TEK: variants seen among roughly 807,000 people sequenced by gnomAD.
TEK encodes the protein angiopoietin-1 receptor.
Under a neutral mutation model 131.8 loss-of-function variants are expected in TEK, and 43 were observed. The ratio of observed to expected loss-of-function variants is 0.33; its 90% CI spans 0.26 to 0.42. The LOEUF is 0.42. Ranked by LOEUF, TEK falls within the 10% of genes least tolerant of loss-of-function variation. The pLI, the probability that TEK is intolerant of heterozygous loss-of-function variation, is 1.00. For missense variants in TEK, 1,162 were observed against 1,384.4 expected, an observed-to-expected ratio of 0.84 and a Z score of 2.55; for synonymous variants, 580 against 491.6, an observed-to-expected ratio of 1.18 and a Z score of -2.38.
At chr9:27,134,431 TTCAA>T (rs1822342130) in intron 1 of TEK, among the ~76,000 whole-genome samples, 1 of 152,208 alleles carries the variant, frequency 6.6e-6, no homozygotes, top group Non-Finnish European at 1.5e-5. Context: ...AAGTTTTCGT[TTCAA>T]TCACACAACA....
intron 17 of TEK, 115 bp downstream of exon 17, chr9:27,213,012 T>G: frequency 8.7e-7 from 1 of 1,146,382 alleles, no homozygotes; most frequent in Non-Finnish European, 1.3e-6. Flanking sequence ...TCTTAAAATC[T>G]CCCTCATTTT....
At chr9:27,171,037 A>G (rs1823937347) in intron 4 of TEK, among the ~76,000 whole-genome samples, 2 of 152,090 alleles carry the variant, frequency 1.3e-5, no homozygotes, top group South Asian at 4.2e-4. Context: ...TGTAAATCCC[A>G]CACTTCCCAG....
chr9:27,138,046 T>C (rs1822559865), intron 1 of TEK, among the ~76,000 whole-genome samples: 1 of 152,132 alleles, frequency 6.6e-6, no homozygotes, highest in Non-Finnish European at 1.5e-5. Flanking sequence ...CTCTTAAAGG[T>C]GGCGCATCCA....
intron 1 of TEK, among the ~76,000 whole-genome samples, chr9:27,138,153 G>A (rs1822567730): frequency 6.6e-6 from 1 of 152,350 alleles, no homozygotes; most frequent in Non-Finnish European, 1.5e-5. Flanking sequence ...TAAAGGTAGT[G>A]CAGACCCAAA....
At chr9:27,189,760 C>G (rs1463940781) in intron 9 of TEK, among the ~76,000 whole-genome samples, 4 of 152,128 alleles carry the variant, frequency 2.6e-5, no homozygotes, top group Non-Finnish European at 4.4e-5. Flanking sequence ...GAAAGGAACA[C>G]AGCCTTGCTA....
intron 1 of TEK, among the ~76,000 whole-genome samples, chr9:27,144,204 C>T (rs1010086187): frequency 1.3e-5 from 2 of 152,088 alleles, no homozygotes; most frequent in Non-Finnish European, 2.9e-5. Flanking sequence ...ATCGCTTGAA[C>T]CCAGGAGGCA....
At chr9:27,121,214 C>G (rs1458452488) in intron 1 of TEK, among the ~76,000 whole-genome samples, 1 of 152,108 alleles carries the variant, frequency 6.6e-6, no homozygotes, top group Non-Finnish European at 1.5e-5. Context: ...GTAGTCCCAG[C>G]TACTTGGGAG....
At chr9:27,191,675 C>T (rs1455583556) in intron 10 of TEK, among the ~76,000 whole-genome samples, 4 of 151,922 alleles carry the variant, frequency 2.6e-5, no homozygotes, top group Non-Finnish European at 5.9e-5. Flanking sequence ...GGTATTATTA[C>T]TGAGTCCTTC....
intron 6 of TEK, among the ~76,000 whole-genome samples, chr9:27,174,378 T>A (rs1457335357): frequency 3.3e-5 from 5 of 152,178 alleles, no homozygotes; most frequent in Non-Finnish European, 7.4e-5. Flanking sequence ...CATCCACATA[T>A]AGAATTTAAA....
At chr9:27,220,174 TTGTCTTACCTTCCCCCTGTG>T in intron 21 of TEK, 29 bp downstream of exon 21, 1 of 1,607,882 alleles carries the variant, frequency 6.2e-7, no homozygotes, top group African/African-American at 1.3e-5. Context: ...TGGGGCTATT[TTGTCTTACCTTCCCCCTGTG>T]TGTTTCTGGG....
In TEK at chr9:27,190,525, T is replaced by G. The variant is rs1824778422; in HGVS notation, c.1328-4T>G. The G allele has an allele frequency of 6.2e-7, 1 of 1,613,926 alleles. No individual in the cohort carries two copies. Reference sequence around the variant, plus strand: ...ACTAATCTGCCTTCTGAAATTGTATTTAGTTCTTCCAAAGCCCCTGAATGC... The same window carrying G: ...ACTAATCTGCCTTCTGAAATTGTATGTAGTTCTTCCAAAGCCCCTGAATGC... On this transcript the variant is annotated splice_polypyrimidine_tract_variant and splice_region_variant and intron_variant, in intron 9 of 22. Transcript: ENST00000380036.
In TEK at chr9:27,190,512, T is replaced by C. The variant is rs755864560; in HGVS notation, c.1328-17T>C. ...TCAAAGCCGAAGGACTAATCTGCCT[T>C]CTGAAATTGTATTTAGTTCTTCCAA... On this transcript the variant is annotated splice_polypyrimidine_tract_variant and intron_variant, in intron 9 of 22. Transcript: ENST00000380036. 1.2e-6 allele frequency: 2 copies of C among 1,613,888 alleles called. No homozygotes were observed. The highest frequency in any genetic ancestry group is 2.2e-5 in the East Asian group (1 of 44,880).
chr9:27,217,696 C>T lies in TEK; in HGVS notation c.3000C>T (p.Leu1000=). The part of the protein sequence containing the change: ...EVYVKKTMGR[L]PVRWMAIESL... ...CACTTTGTTCTCTCCAGGGAAGGCTCCCAGTGCGCTGGATGGCCATCGAGT... is the reference window on the plus strand; with the variant it reads ...CACTTTGTTCTCTCCAGGGAAGGCTTCCAGTGCGCTGGATGGCCATCGAGT... Residue 1000 remains leucine (L), a synonymous_variant, in exon 19 of 23, where the codon CTC becomes CTT. Transcript: ENST00000380036. 1.2e-6 allele frequency: 2 copies of T among 1,613,792 alleles called. No homozygotes were observed. Among genetic ancestry groups the T allele is most frequent in the South Asian group, 1.1e-5 (1 of 91,062 alleles).
chr9:27,143,401 G>C (rs1822801173), intron 1 of TEK, among the ~76,000 whole-genome samples: 1 of 152,182 alleles, frequency 6.6e-6, no homozygotes, highest in Non-Finnish European at 1.5e-5. Flanking sequence ...CCAGGGTTGA[G>C]TGGAGAAGGG....
At chr9:27,159,528 C>T (rs2077317) in intron 2 of TEK, among the ~76,000 whole-genome samples, 4 of 151,982 alleles carry the variant, frequency 2.6e-5, no homozygotes, top group African/African-American at 9.7e-5. Context: ...GTCGAGTACC[C>T]AGGTCCAGCT....
chr9:27,218,242 G>A (rs1825901530), intron 19 of TEK, among the ~76,000 whole-genome samples: 1 of 79,674 alleles, frequency 1.3e-5, no homozygotes, highest in East Asian at 6.3e-4. Context: ...TTTCCAGGAG[G>A]AAAAACCAAG....
intron 18 of TEK, among the ~76,000 whole-genome samples, chr9:27,215,675 G>A (rs561173048): frequency 3.2e-4 from 49 of 151,378 alleles, no homozygotes; most frequent in Non-Finnish European, 2.6e-4. Context: ...TATCCATCCC[G>A]TCATCATGGA....
At chr9:27,111,042 TACAC>T (rs1821322020) in intron 1 of TEK, among the ~76,000 whole-genome samples, 1 of 152,194 alleles carries the variant, frequency 6.6e-6, no homozygotes, top group African/African-American at 2.4e-5. Flanking sequence ...TGTAGGTTAA[TACAC>T]ACACAACTGT....
chr9:27,174,750 G>A (rs1160447299), intron 6 of TEK, among the ~76,000 whole-genome samples: 1 of 152,162 alleles, frequency 6.6e-6, no homozygotes, highest in Non-Finnish European at 1.5e-5. Flanking sequence ...AGCCACAGCA[G>A]TGGAGAAATC....
Sources: allele counts gnomAD v4.1 joint callset (sites outside exome capture counted in the v4.1 genomes callset), GRCh38; gene constraint gnomAD v4.1.1; transcripts MANE v1.5; gene names NCBI Gene and HGNC (gene_info 2026-07-23, HGNC 2026-07-21).